The following LYST variants were observed in gnomAD, a reference collection of about 807,000 sequenced individuals.
The protein encoded by LYST is lysosomal trafficking regulator, also known as lysosomal-trafficking regulator.
In LYST, 192 loss-of-function variants were observed where a neutral mutation model predicts 413.6. The observed-to-expected ratio is 0.46, with a 90% confidence interval of 0.41 to 0.52. The LOEUF is 0.52. Ranked by LOEUF, LYST falls within the 20% of genes least tolerant of loss-of-function variation. LYST has a pLI of 0.00. For synonymous variants in LYST, 1,525 were observed against 1,567.3 expected (o/e 0.97, Z 0.64); for missense variants, 3,815 against 4,499.9 (o/e 0.85, Z 4.35).
chr1:235,830,464 C>A, intron 2 of LYST, 40 bp from the exon 3 acceptor site: 3 of 1,423,206 alleles, frequency 2.1e-6, no homozygotes, highest in Non-Finnish European at 2.9e-6. Flanking sequence ...ATTAGGAAAA[C>A]AAATACAAAT....
chr1:235,711,982 A>G (rs1175271326), intron 43 of LYST, 75 bp downstream of exon 43: 22 of 1,252,912 alleles, frequency 1.8e-5, no homozygotes, highest in Non-Finnish European at 2.4e-5. Flanking sequence ...TAAAAAAGCT[A>G]TTTTCATTTT....
chr1:235,766,021 G>T, intron 21 of LYST, 58 bp downstream of exon 21: 1 of 1,232,306 alleles, frequency 8.1e-7, no homozygotes, highest in Non-Finnish European at 1.2e-6. Flanking sequence ...TGAATCAAGT[G>T]GGAAGAATAA....
chr1:235,802,818 A>C (rs1465244622), intron 8 of LYST, 90 bp downstream of exon 8: 2 of 1,245,606 alleles, frequency 1.6e-6, no homozygotes, highest in African/African-American at 2.9e-5. Context: ...AAGGCAATAC[A>C]AAATTCTAAA....
Position 235,805,941 on chromosome 1 carries a change from TA to T in LYST, c.3194del (p.Leu1065Ter), listed in dbSNP as rs750835647. ...LKKSADSLGK[L>X]ELQHISSINV... is the part of the protein sequence containing the mutation. ...TTATGGAAGAAATATGCTGTAACTCTAATTTACCTAAACTGTCAGCACTCTT... is the reference window on the plus strand; with the variant it reads ...TTATGGAAGAAATATGCTGTAACTCTATTTACCTAAACTGTCAGCACTCTT... On this transcript the variant is annotated frameshift_variant, in exon 6 of 53. Coordinates refer to ENST00000389793, the MANE Select transcript of LYST (RefSeq NM_000081.4). LOFTEE classifies it high-confidence loss of function. 6.2e-7 allele frequency: 1 copy of T among 1,613,780 alleles called. No individual in the cohort carries two copies. Among genetic ancestry groups the T allele is most frequent in the African/African-American group, 1.3e-5 (1 of 74,934 alleles).
At chr1:235,807,162 A>T (rs1292903323) in intron 5 of LYST, among the ~76,000 whole-genome samples, 1 of 152,210 alleles carries the variant, frequency 6.6e-6, no homozygotes, top group Non-Finnish European at 1.5e-5. Flanking sequence ...GTGTTTGTTC[A>T]TTAGTTTGTC....
intron 3 of LYST, among the ~76,000 whole-genome samples, chr1:235,814,602 A>G (rs899700515): frequency 6.6e-6 from 1 of 152,204 alleles, no homozygotes; most frequent in Non-Finnish European, 1.5e-5. Flanking sequence ...ACTGTGTGAC[A>G]TGATGGCCGA....
At chr1:235,818,819 C>A (rs1414405275) in intron 3 of LYST, among the ~76,000 whole-genome samples, 1 of 152,180 alleles carries the variant, frequency 6.6e-6, no homozygotes, top group Non-Finnish European at 1.5e-5. Flanking sequence ...CACATACTGG[C>A]AAATCACCAC....
intron 1 of LYST, among the ~76,000 whole-genome samples, chr1:235,877,245 C>T (rs565141122): frequency 3.9e-5 from 6 of 152,314 alleles, no homozygotes; most frequent in South Asian, 2.1e-4. Flanking sequence ...CACACACCAG[C>T]CATGACAGAG....
chr1:235,808,213 C>G (rs1673074469), intron 5 of LYST, among the ~76,000 whole-genome samples: 2 of 152,100 alleles, frequency 1.3e-5, no homozygotes, highest in South Asian at 4.1e-4. Context: ...TGCATACATA[C>G]ATAAACAAAT....
chr1:235,721,744 G>A (rs1262503067), intron 39 of LYST, among the ~76,000 whole-genome samples: 5 of 152,132 alleles, frequency 3.3e-5, no homozygotes, highest in African/African-American at 7.2e-5. Context: ...TAAGGTCCAC[G>A]GAAGGGGATT....
chr1:235,744,086 G>A lies in LYST; in HGVS notation c.8044C>T (p.Gln2682Ter). 1.3e-6 allele frequency: 2 copies of A among 1,599,132 alleles called. No homozygotes were observed. Among genetic ancestry groups the A allele is most frequent in the Non-Finnish European group, 1.7e-6 (2 of 1,166,692 alleles). Residue 2682 changes from glutamine to a stop codon, truncating the protein, a stop_gained, in exon 30 of 53, where the codon CAG (glutamine) becomes TAG (stop). Transcript: ENST00000389793. LOFTEE classifies it high-confidence loss of function. ...ATATTTTCCTCAGAAATTTCGGTCT[G>A]GAAAACTGAGGTCTTGCTTTGAGTT... is the stretch of plus-strand genomic sequence containing the variant. ...NVTQSKTSVFQTEISEENIHH... is the reference protein window; with the variant it reads ...NVTQSKTSVF
rs780901471 is a variant in LYST at position 235,664,449 on chromosome 1, T to C, written c.11195+16A>G. On this transcript the variant is annotated intron_variant, in intron 51 of 52. Transcript: ENST00000389793. This position sits in a 1 kb window ranked among gnomAD's most constrained non-coding sequence, Gnocchi z 4.5. ...TATGAATGAAATCAAAAAAAGAGAA[T>C]CCAAATTCCTCTTACCTTACAATTC... The C allele has an allele frequency of 1.2e-6, 2 of 1,611,580 alleles. No individual in the cohort carries two copies. Among genetic ancestry groups the C allele is most frequent in the African/African-American group, 2.7e-5 (2 of 74,856 alleles).
upstream of LYST, among the ~76,000 whole-genome samples, chr1:235,868,479 A>G (rs1680762580): frequency 6.6e-6 from 1 of 151,948 alleles, no homozygotes; most frequent in Non-Finnish European, 1.5e-5. Context: ...CCCCTTTTTT[A>G]ATGGACAAAA....
intron 47 of LYST, among the ~76,000 whole-genome samples, chr1:235,689,560 G>A (rs779944379): frequency 5.3e-5 from 8 of 152,238 alleles, no homozygotes; most frequent in Admixed American, 1.3e-4. Context: ...GGATGATTAC[G>A]TTCTGGAGAT....
rs1413713900 is a variant in LYST at position 235,734,503 on chromosome 1, G to A, written c.8515C>T (p.Leu2839Phe). ...IPPSASTKAD[L>F]IKMIKEEQKK... ...CTCACCTCTTTGATCATTTTAATAA[G>A]GTCTGCTTTTGTTGATGCACTGGGA... The change falls in exon 32 of 53, where the codon CTT becomes TTT. Residue 2839 changes from leucine (L) to phenylalanine (F), a missense_variant. Physicochemically the swap from Leu to Phe is conservative, Grantham distance 22. Transcript: ENST00000389793. The A allele has an allele frequency of 6.2e-7, 1 of 1,613,390 alleles. No homozygotes were observed. Among genetic ancestry groups the A allele is most frequent in the South Asian group, 1.1e-5 (1 of 91,066 alleles).
chr1:235,764,894 T>G (rs866051700), intron 21 of LYST, among the ~76,000 whole-genome samples: 2 of 152,194 alleles, frequency 1.3e-5, no homozygotes, highest in African/African-American at 2.4e-5. Flanking sequence ...ATTCTTGCTT[T>G]CTTTCTTACA....
At position 235,741,624 on chromosome 1, in the gene LYST, G is replaced by C. The variant is rs767823423; in HGVS notation, c.8156C>G (p.Ser2719Ter). The C allele has an allele frequency of 6.2e-7, 1 of 1,612,164 alleles. No homozygotes were observed. Among genetic ancestry groups the C allele is most frequent in the African/African-American group, 1.3e-5 (1 of 74,862 alleles). ...CTGCTTGGAACCACTGGCTTTACTT[G>C]AACCCTAAAATCAATCAAGATAGGA... Reference protein sequence around the residue: ...LVEGFKVSIGSSKASGSKQQW... With the variant: ...LVEGFKVSIG The change falls in exon 31 of 53, where the codon TCA becomes TGA. Residue 2719 changes from serine to a stop codon, truncating the protein, a stop_gained. Coordinates refer to ENST00000389793, the MANE Select transcript of LYST (RefSeq NM_000081.4). LOFTEE classifies it high-confidence loss of function.
At chr1:235,845,141 G>A (rs530258655) in intron 1 of LYST, among the ~76,000 whole-genome samples, 2 of 152,272 alleles carry the variant, frequency 1.3e-5, no homozygotes, top group East Asian at 1.9e-4. Flanking sequence ...GGCCCCAGGA[G>A]ACCCCCAAAT....
At chr1:235,690,233 CAGT>C (rs1660544350) in intron 47 of LYST, among the ~76,000 whole-genome samples, 1 of 152,138 alleles carries the variant, frequency 6.6e-6, no homozygotes, top group Non-Finnish European at 1.5e-5. Context: ...AAATTTGTGT[CAGT>C]GTATTTTGAC....
Sources: allele counts gnomAD v4.1 joint callset (sites outside exome capture counted in the v4.1 genomes callset), GRCh38; gene constraint gnomAD v4.1.1; non-coding constraint Gnocchi (gnomAD v3.1); transcripts MANE v1.5; gene names NCBI Gene and HGNC (gene_info 2026-07-23, HGNC 2026-07-21).